VPS13C: variants seen among roughly 807,000 people sequenced by gnomAD.
The protein encoded by VPS13C is intermembrane lipid transfer protein VPS13C.
A neutral mutation model predicts 456.8 loss-of-function variants in VPS13C; 358 were observed. The ratio of observed to expected loss-of-function variants is 0.78; its 90% CI spans 0.72 to 0.86. The LOEUF (loss-of-function observed/expected upper bound fraction) is 0.86, where lower values mean the gene tolerates loss of function less well. VPS13C is among the 40% of genes least tolerant of loss of function. VPS13C has a pLI of 0.00. For missense variants in VPS13C, 4,818 were observed against 4,385.4 expected (o/e 1.10, Z -2.79); for synonymous variants, 1,578 against 1,486.7 (o/e 1.06, Z -1.41).
chr15:61,896,953 C>T (rs1236133165), intron 66 of VPS13C, among the ~76,000 whole-genome samples: 3 of 128,586 alleles, frequency 2.3e-5, no homozygotes, highest in South Asian at 2.6e-4. Flanking sequence ...CCCTGACCCC[C>T]GAGCAGCCTA....
At chr15:61,907,118 G>A in intron 66 of VPS13C, 146 bp downstream of exon 66, 1 of 1,092,930 alleles carries the variant, frequency 9.1e-7, no homozygotes. Context: ...TACAGTATTT[G>A]CCATCTAAAG....
At chr15:62,051,116 T>C (rs1011862872) in intron 1 of VPS13C, among the ~76,000 whole-genome samples, 1 of 152,182 alleles carries the variant, frequency 6.6e-6, no homozygotes, top group Non-Finnish European at 1.5e-5. Context: ...GTTAAGTACC[T>C]CCAACCAGAA....
chr15:61,969,302 C>A lies in VPS13C; in HGVS notation c.2908G>T (p.Glu970Ter). Residue 970 changes from glutamate (E) to a stop codon, truncating the protein, a stop_gained, in exon 28 of 85, where the codon GAA (glutamate) becomes TAA (stop). Coordinates refer to ENST00000644861, the MANE Select transcript of VPS13C (RefSeq NM_020821.3). LOFTEE classifies it high-confidence loss of function. ...TTTCTATTTTTATGGGTATTACCTT[C>A]AATTTCATGATAATCCAAGCTGATT... ...KKISLDYHEI[E>*]GSKRKPLHLI... 6.3e-7 allele frequency: 1 copy of A among 1,590,496 alleles called. No homozygotes were observed. The highest frequency in any genetic ancestry group is 1.2e-5 in the South Asian group (1 of 86,086).
At position 61,880,503 on chromosome 15, in the gene VPS13C, C is replaced by T. The variant is rs1337855155; in HGVS notation, c.10002+106G>A. The T allele has an allele frequency of 1.5e-5, 10 of 675,696 alleles. No homozygotes were observed. In the Admixed American group the frequency reaches 2.9e-4, roughly 19 times the overall value. 41.9% of individuals were successfully genotyped at this position (675,696 alleles called of 1,614,324 possible). A position where few individuals can be genotyped will look rare whatever the true frequency, so the allele number is the denominator to read the frequency against. ...ATTTCGATTAATCAAACAAAATTCC[C>T]ACCAAATACATGATGCAACAAATTA... On this transcript the variant is annotated intron_variant, in intron 73 of 84. Transcript: ENST00000644861.
In VPS13C at chr15:61,983,978, C is replaced by A. The variant is rs781434913; in HGVS notation, c.1756G>T (p.Gly586Cys). ...GGCACAATATCCTGCTGTCTCAAAC[C>A]TGTTATATACCAGTGTTCTAATTTC... ...EAKLEHWYIT[G>C]LRQQDIVPSL... is the part of the protein sequence containing the mutation. The change falls in exon 20 of 85, where the codon GGT (glycine) becomes TGT (cysteine). Residue 586 changes from glycine to cysteine, a missense_variant. This residue lies in a region of VPS13C where 4,552 missense variants were observed against 4,130.6 expected (regional missense o/e 1.10). Transcript: ENST00000644861. 2.5e-6 allele frequency: 4 copies of A among 1,614,058 alleles called. No individual in the cohort carries two copies. The highest frequency in any genetic ancestry group is 1.1e-5 in the South Asian group (1 of 91,078).
At chr15:61,985,647 C>CT (rs1418427523) in intron 18 of VPS13C, among the ~76,000 whole-genome samples, 1 of 152,138 alleles carries the variant, frequency 6.6e-6, no homozygotes. Flanking sequence ...CTGAAACAAA[C>CT]TAAGTATTTC....
chr15:61,986,007 C>A (rs1435193060), intron 18 of VPS13C, among the ~76,000 whole-genome samples: 2 of 151,884 alleles, frequency 1.3e-5, no homozygotes, highest in Admixed American at 6.6e-5. Flanking sequence ...TGGAAGCAGG[C>A]AGACTCCCAT....
rs535062455 is a variant in VPS13C, at chr15:62,050,932, G to A, written c.101-6677C>T. ...AATGACATGAAGAGTTGGAGTCATC[G>A]CAAAAAAAAAAAAGTAGAAATAGTT... On this transcript the variant is annotated intron_variant, in intron 1 of 84. Coordinates refer to ENST00000644861, the MANE Select transcript of VPS13C (RefSeq NM_020821.3). 1.3e-3 allele frequency among the ~76,000 whole-genome samples: 192 copies of A among 149,388 alleles called. 3 individuals are homozygous for A. The South Asian group carries it at 0.021, about 16-fold the overall frequency.
In VPS13C at chr15:61,915,955, C is replaced by T; in HGVS notation, c.8123G>A (p.Gly2708Asp). The change falls in exon 61 of 85, where the codon GGT (glycine) becomes GAT (aspartate). Residue 2708 changes from glycine (G) to aspartate (D), a missense_variant. By Grantham distance (94) the Gly-to-Asp change is moderately conservative. Coordinates refer to ENST00000644861, the MANE Select transcript of VPS13C (RefSeq NM_020821.3). ...CACCAGGACTAATTCCATTATTTCA[C>T]CACTGATTCTCGAATGCAGAACATC... ...TADVLHSRIS[G>D]EIMELVLVKY... 1 of 1,613,746 alleles carries T rather than the reference C, an allele frequency of 6.2e-7. No homozygotes were observed. Among genetic ancestry groups the T allele is most frequent in the African/African-American group, 1.3e-5 (1 of 74,994 alleles).
intron 66 of VPS13C, among the ~76,000 whole-genome samples, chr15:61,899,367 A>G (rs1333980217): frequency 1.3e-5 from 2 of 149,184 alleles, no homozygotes; most frequent in African/African-American, 4.9e-5. Flanking sequence ...CAAGACTAAT[A>G]AAGAAAAAAA....
chr15:61,930,441 A>G (rs2044017287), intron 50 of VPS13C, among the ~76,000 whole-genome samples: 1 of 152,222 alleles, frequency 6.6e-6, no homozygotes, highest in African/African-American at 2.4e-5. Flanking sequence ...AGGGCTCACA[A>G]GTATCCCATA....
intron 16 of VPS13C, among the ~76,000 whole-genome samples, 154 bp downstream of exon 16, chr15:62,000,410 T>G (rs530736021): frequency 6.6e-6 from 1 of 152,104 alleles, no homozygotes; most frequent in South Asian, 2.1e-4. Context: ...CCCTTCATAT[T>G]AGTGGCTTTT....
intron 15 of VPS13C, among the ~76,000 whole-genome samples, chr15:62,006,108 T>A (rs12437699): frequency 1.4e-4 from 21 of 151,508 alleles, no homozygotes; most frequent in Admixed American, 2.6e-4. Context: ...TTATTTTTTT[T>A]TTATTATTAT....
intron 49 of VPS13C, among the ~76,000 whole-genome samples, chr15:61,933,277 G>T (rs1490830346): frequency 6.6e-6 from 1 of 152,090 alleles, no homozygotes; most frequent in African/African-American, 2.4e-5. Flanking sequence ...CTCATTTTTG[G>T]TAAGGTCATT....
chr15:61,999,377 C>T (rs2046514455), intron 16 of VPS13C, among the ~76,000 whole-genome samples: 1 of 145,304 alleles, frequency 6.9e-6, no homozygotes, highest in African/African-American at 2.5e-5. Context: ...AAGACTCCAT[C>T]TCAAAAAAAA....
chr15:61,929,872 G>T, intron 50 of VPS13C, 124 bp from the exon 51 acceptor site: 1 of 960,462 alleles, frequency 1.0e-6, no homozygotes, highest in Non-Finnish European at 1.5e-6. Flanking sequence ...TAGAAAACAG[G>T]TCAACATTAA....
intron 12 of VPS13C, 60 bp downstream of exon 12, chr15:62,012,047 T>C: frequency 9.7e-7 from 1 of 1,029,768 alleles, no homozygotes; most frequent in Non-Finnish European, 1.5e-6. Flanking sequence ...TATGTTAAAA[T>C]AATGTATTTA....
In VPS13C at chr15:61,963,006, G is replaced by A. The variant is rs2045262746; in HGVS notation, c.3332-154C>T. 2.6e-5 allele frequency among the ~76,000 whole-genome samples: 4 copies of A among 151,794 alleles called. No individual in the cohort carries two copies. In the South Asian group the frequency reaches 8.3e-4, roughly 31 times the overall value. On this transcript the variant is annotated intron_variant, in intron 32 of 84. Coordinates refer to ENST00000644861, the MANE Select transcript of VPS13C (RefSeq NM_020821.3). ...ATAAGTTGCAATATTAGAGTTTTTT[G>A]GTTTTATAAACACCAAAACCTATAA...
chr15:61,991,176 T>G (rs572701474), intron 17 of VPS13C, 82 bp from the exon 18 acceptor site: 2 of 1,079,890 alleles, frequency 1.9e-6, no homozygotes, highest in Non-Finnish European at 2.7e-6. Context: ...CTAACAAGTA[T>G]CCTAAAATCA....
Sources: allele counts gnomAD v4.1 joint callset (sites outside exome capture counted in the v4.1 genomes callset), GRCh38; gene constraint gnomAD v4.1.1; regional missense constraint gnomAD v4.1.1; transcripts MANE v1.5; gene names NCBI Gene and HGNC (gene_info 2026-07-23, HGNC 2026-07-21).